The following TBK1 variants were observed in gnomAD, a reference collection of about 807,000 sequenced individuals.
The protein encoded by TBK1 is serine/threonine-protein kinase TBK1.
A neutral mutation model predicts 99.9 loss-of-function variants in TBK1; 37 were observed. That is an observed-to-expected ratio of 0.37 (90% CI 0.28 to 0.49). The LOEUF (loss-of-function observed/expected upper bound fraction) is 0.49, where lower values mean the gene tolerates loss of function less well. TBK1 is among the 20% of genes least tolerant of loss of function. The probability of loss-of-function intolerance (pLI) is 0.98; values close to 1 mark genes in which losing one functional copy is unlikely to be tolerated. For missense variants in TBK1, 644 were observed against 872.5 expected, an observed-to-expected ratio of 0.74 and a Z score of 3.30; for synonymous variants, 258 against 279.8, an observed-to-expected ratio of 0.92 and a Z score of 0.78.
chr12:64,458,130 C>T (rs557907612), intron 2 of TBK1, among the ~76,000 whole-genome samples: 8 of 150,854 alleles, frequency 5.3e-5, no homozygotes, highest in Admixed American at 6.6e-5. Flanking sequence ...CATACACACA[C>T]GAAAAAGATT....
chr12:64,452,336 C>A (rs2040435498), intron 1 of TBK1, 149 bp downstream of exon 1: 2 of 152,722 alleles, frequency 1.3e-5, no homozygotes, highest in Admixed American at 6.5e-5. Flanking sequence ...CACCGAGAAG[C>A]CCCGGACGAC....
chr12:64,464,389 A>G lies in TBK1; in HGVS notation c.284A>G (p.Tyr95Cys). Residue 95 changes from tyrosine (Y) to cysteine (C), a missense_variant, in exon 4 of 21, where the codon TAC (tyrosine) becomes TGC (cysteine). Around this residue, in one of 3 missense-constraint regions of TBK1, gnomAD observed 148 missense variants for 202.1 expected, o/e 0.73. Coordinates refer to ENST00000331710, the MANE Select transcript of TBK1 (RefSeq NM_013254.4). The stretch of plus-strand genomic sequence containing the variant: ...GAATTTTGTCCATGTGGGAGTTTAT[A>G]CACTGTTTTAGAAGAACCTTCTAAT... ...IMEFCPCGSL[Y>C]TVLEEPSNAY... 1 of 1,608,516 alleles carries G rather than the reference A, an allele frequency of 6.2e-7. No individual in the cohort carries two copies. The highest frequency in any genetic ancestry group is 8.5e-7 in the Non-Finnish European group (1 of 1,177,612).
intron 14 of TBK1, 40 bp from the exon 15 acceptor site, chr12:64,495,659 T>C: frequency 6.2e-7 from 1 of 1,612,548 alleles, no homozygotes; most frequent in Non-Finnish European, 8.5e-7. Context: ...TTTTTCACAT[T>C]GACTCAGTTA....
At chr12:64,497,579 G>T (rs1234208419) in intron 18 of TBK1, 69 bp from the exon 19 acceptor site, 5 of 1,036,586 alleles carry the variant, frequency 4.8e-6, no homozygotes, top group Non-Finnish European at 7.1e-6. Flanking sequence ...TGTCAGATCT[G>T]TAGTAAGTAC....
chr12:64,452,418 C>A (rs1243405357), intron 1 of TBK1: 1 of 152,230 alleles, frequency 6.6e-6, no homozygotes, highest in Non-Finnish European at 1.5e-5. Context: ...TGGCCGTAGC[C>A]GGTGGAATGG....
chr12:64,489,312 C>T (rs1359632036), intron 12 of TBK1, among the ~76,000 whole-genome samples: 12 of 152,250 alleles, frequency 7.9e-5, no homozygotes, highest in Middle Eastern at 3.4e-3. Context: ...CCTGAGAACA[C>T]GTTTTGAAAC....
chr12:64,491,614 G>A (rs567175086), intron 13 of TBK1, among the ~76,000 whole-genome samples: 1 of 152,202 alleles, frequency 6.6e-6, no homozygotes, highest in African/African-American at 2.4e-5. Context: ...ACAGAGCCGA[G>A]ACTGTCTCAA....
chr12:64,480,365 A>G (rs1326276312), intron 7 of TBK1, among the ~76,000 whole-genome samples: 1 of 152,202 alleles, frequency 6.6e-6, no homozygotes, highest in Non-Finnish European at 1.5e-5. Flanking sequence ...TGAGATTGGT[A>G]ATCACTGGTC....
At chr12:64,461,536 A>T (rs1451540873) in intron 3 of TBK1, among the ~76,000 whole-genome samples, 1 of 152,212 alleles carries the variant, frequency 6.6e-6, no homozygotes, top group African/African-American at 2.4e-5. Flanking sequence ...CCTGTTTATA[A>T]TAAAGAATGG....
chr12:64,459,378 T>C (rs1001483059), intron 2 of TBK1, among the ~76,000 whole-genome samples: 3 of 152,204 alleles, frequency 2.0e-5, no homozygotes, highest in African/African-American at 7.2e-5. Flanking sequence ...AATATGATGT[T>C]TGCCTGAAAT....
At chr12:64,453,852 T>C (rs987845789) in intron 1 of TBK1, among the ~76,000 whole-genome samples, 3 of 152,242 alleles carry the variant, frequency 2.0e-5, no homozygotes, top group African/African-American at 7.2e-5. Context: ...GACTTGATAA[T>C]ACAGGCTACT....
intron 2 of TBK1, among the ~76,000 whole-genome samples, chr12:64,458,512 C>CCTAT (rs1740772734): frequency 6.9e-6 from 1 of 144,162 alleles, no homozygotes; most frequent in South Asian, 2.2e-4. Context: ...TGGATATATA[C>CCTAT]ATATATATAT....
chr12:64,497,564 CTTGATG>C, intron 18 of TBK1, 78 bp from the exon 19 acceptor site: 1 of 894,876 alleles, frequency 1.1e-6, no homozygotes, highest in Non-Finnish European at 1.7e-6. Context: ...AGCTGTAACA[CTTGATG>C]TCAGATCTGT....
chr12:64,469,344 G>A (rs2040638498), intron 5 of TBK1, among the ~76,000 whole-genome samples: 1 of 151,890 alleles, frequency 6.6e-6, no homozygotes, highest in Non-Finnish European at 1.5e-5. Context: ...ACACCAAGCA[G>A]AATTAGACAA....
chr12:64,453,521 G>T (rs763760680), intron 1 of TBK1, among the ~76,000 whole-genome samples: 1 of 152,118 alleles, frequency 6.6e-6, no homozygotes, highest in Non-Finnish European at 1.5e-5. Flanking sequence ...AATTAGATGG[G>T]TAGTAAAATT....
At position 64,464,319 on chromosome 12, in the gene TBK1, G is replaced by A. The variant is rs2040580174; in HGVS notation, c.229-15G>A. ...TTTTTTATGTTGATTCCCAATCAATGATTTTTTTTTTCAGACAACAACAAG... is the reference window on the plus strand; with the variant it reads ...TTTTTTATGTTGATTCCCAATCAATAATTTTTTTTTTCAGACAACAACAAG... On this transcript the variant is annotated splice_polypyrimidine_tract_variant and intron_variant, in intron 3 of 20. Transcript: ENST00000331710. 7 of 1,230,076 alleles carry A rather than the reference G, an allele frequency of 5.7e-6. No homozygotes were observed. Among genetic ancestry groups the A allele is most frequent in the Non-Finnish European group, 3.3e-6 (3 of 919,956 alleles). The allele number at this position is 1,230,076 out of a possible 1,614,324, so 76.2% of individuals were successfully genotyped here. A position where few individuals can be genotyped will look rare whatever the true frequency, so the allele number is the denominator to read the frequency against.
At chr12:64,452,403 T>G (rs1236811069) in intron 1 of TBK1, 1 of 151,942 alleles carries the variant, frequency 6.6e-6, no homozygotes, top group Non-Finnish European at 1.5e-5. Flanking sequence ...GGGGTGTGTG[T>G]CGGGTGGCCG....
chr12:64,490,385 A>G (rs1389011712), intron 13 of TBK1, among the ~76,000 whole-genome samples: 2 of 152,224 alleles, frequency 1.3e-5, no homozygotes, highest in Non-Finnish European at 2.9e-5. Flanking sequence ...TTTCTTATAG[A>G]GATGATATTT....
At position 64,469,792 on chromosome 12, in the gene TBK1, C is replaced by CTTT. The variant is rs556120101; in HGVS notation, c.540+2719_540+2721dup. ...CTCTTTCTCTTTCTCTCACCCAGTA[C>CTTT]TTTTTTTTTTTCCCCAACCCCACTT... is the stretch of plus-strand genomic sequence containing the variant. On this transcript the variant is annotated intron_variant, in intron 5 of 20. Transcript: ENST00000331710. Among the ~76,000 whole-genome samples the CTTT allele has an allele frequency of 8.0e-5, 12 of 149,106 alleles. No homozygotes were observed. In the East Asian group the frequency reaches 2.4e-3, roughly 29 times the overall value.
Sources: allele counts gnomAD v4.1 joint callset (sites outside exome capture counted in the v4.1 genomes callset), GRCh38; gene constraint gnomAD v4.1.1; regional missense constraint gnomAD v4.1.1; transcripts MANE v1.5; gene names NCBI Gene and HGNC (gene_info 2026-07-23, HGNC 2026-07-21).